SOS1: variants seen among roughly 807,000 people sequenced by gnomAD.
The protein encoded by SOS1 is son of sevenless homolog 1.
SOS1 carries 25 observed loss-of-function variants against 157.6 expected under a neutral mutation model. The observed-to-expected ratio is 0.16, with a 90% CI of 0.12 to 0.22. The LOEUF (loss-of-function observed/expected upper bound fraction) is 0.22. Among genes scored for constraint, SOS1 ranks in the 10% least tolerant of loss-of-function variants. SOS1 has a pLI of 1.00. For synonymous variants in SOS1, 528 were observed against 534.0 expected (o/e 0.99, Z 0.16); for missense variants, 1,237 against 1,599.1 (o/e 0.77, Z 3.86).
At chr2:39,013,704 G>A in intron 12 of SOS1, 141 bp from the exon 13 acceptor site, 1 of 892,394 alleles carries the variant, frequency 1.1e-6, no homozygotes, top group East Asian at 2.5e-5. Flanking sequence ...AAAATTCTAT[G>A]TTAAGGCTTA....
At chr2:39,049,165 G>A (rs1485878333) in intron 6 of SOS1, among the ~76,000 whole-genome samples, 4 of 152,156 alleles carry the variant, frequency 2.6e-5, no homozygotes, top group East Asian at 1.9e-4. Context: ...TGATCTGCCC[G>A]CTTCGGCCTC....
At chr2:39,100,910 C>A (rs1024003035) in intron 1 of SOS1, among the ~76,000 whole-genome samples, 1 of 151,952 alleles carries the variant, frequency 6.6e-6, no homozygotes, top group African/African-American at 2.4e-5. Context: ...CAGAGTGAGA[C>A]CTTGTCTCAA....
chr2:39,010,925 C>T (rs1669446670), intron 14 of SOS1, among the ~76,000 whole-genome samples: 1 of 131,940 alleles, frequency 7.6e-6, no homozygotes, highest in Non-Finnish European at 1.6e-5. Context: ...GATGGAGTTC[C>T]ACTCTTGTTG....
intron 17 of SOS1, among the ~76,000 whole-genome samples, chr2:39,001,145 G>A (rs1669084548): frequency 6.6e-6 from 1 of 152,172 alleles, no homozygotes; most frequent in African/African-American, 2.4e-5. Flanking sequence ...TACAACCTCT[G>A]CCTCCTGGCA....
rs748285993 is a variant in SOS1, at chr2:39,022,506, T to C, written c.1858+64A>G. ...TTCTATTTTAGGCACAATAAACCCA[T>C]GCAGGAAAGAAAATCAGTTTGAAGC... On this transcript the variant is annotated intron_variant, in intron 10 of 22. Coordinates refer to ENST00000402219, the MANE Select transcript of SOS1 (RefSeq NM_005633.4). 3.9e-6 allele frequency: 5 copies of C among 1,291,380 alleles called. No individual in the cohort carries two copies. The African/African-American group carries it at 7.3e-5, about 19-fold the overall frequency. The allele number at this position is 1,291,380 out of a possible 1,614,324, so 80.0% of individuals were successfully genotyped here. A position where few individuals can be genotyped will look rare whatever the true frequency, so the allele number is the denominator to read the frequency against.
At chr2:39,112,284 C>T (rs767283528) in intron 1 of SOS1, among the ~76,000 whole-genome samples, 1 of 152,128 alleles carries the variant, frequency 6.6e-6, no homozygotes, top group Admixed American at 6.6e-5. Context: ...CAGATCAACC[C>T]TACTCTGAGT....
rs187239734 is a variant in SOS1 at position 39,000,589 on chromosome 2, T to G, written c.2792-3164A>C. Among the ~76,000 whole-genome samples the G allele has an allele frequency of 2.0e-5, 3 of 152,356 alleles. No homozygotes were observed. In the East Asian group the frequency reaches 5.8e-4, roughly 29 times the overall value. On this transcript the variant is annotated intron_variant, in intron 17 of 22. Coordinates refer to ENST00000402219, the MANE Select transcript of SOS1 (RefSeq NM_005633.4). ...TGAGGTTTCACCTTTTTTGCTGATG[T>G]CTTTCCCATCCTTCCCAGGATAAAG...
chr2:39,001,742 G>T (rs4670904), intron 17 of SOS1, among the ~76,000 whole-genome samples: 5 of 152,064 alleles, frequency 3.3e-5, no homozygotes, highest in Non-Finnish European at 2.9e-5. Flanking sequence ...TAACTCCAGA[G>T]ACTGGTAACT....
chr2:39,106,403 A>T (rs1673184812), intron 1 of SOS1, among the ~76,000 whole-genome samples: 1 of 151,738 alleles, frequency 6.6e-6, no homozygotes, highest in Non-Finnish European at 1.5e-5. Flanking sequence ...ATCCCGGCTA[A>T]AACGGTGAAA....
intron 6 of SOS1, among the ~76,000 whole-genome samples, chr2:39,047,753 C>T (rs1343077658): frequency 2.0e-5 from 3 of 152,194 alleles, no homozygotes; most frequent in Non-Finnish European, 4.4e-5. Flanking sequence ...TCACTGCAAC[C>T]TCTATCTCCC....
chr2:39,122,626 C>T (rs1225554093), upstream of SOS1, among the ~76,000 whole-genome samples: 1 of 152,060 alleles, frequency 6.6e-6, no homozygotes, highest in African/African-American at 2.4e-5. Flanking sequence ...AATATACATA[C>T]TTGGTTTACA....
At chr2:39,120,310 G>C in intron 1 of SOS1, 26 bp downstream of exon 1, 1 of 1,554,382 alleles carries the variant, frequency 6.4e-7, no homozygotes, top group South Asian at 1.2e-5. Flanking sequence ...CTGCGGCCGG[G>C]AAGCGGGGTC....
chr2:39,111,787 T>C (rs985826415), intron 1 of SOS1, among the ~76,000 whole-genome samples: 2 of 151,476 alleles, frequency 1.3e-5, no homozygotes, highest in African/African-American at 4.9e-5. Context: ...TGGAGTGCAG[T>C]GACACAACCT....
chr2:39,101,451 G>A (rs115784964), intron 1 of SOS1, among the ~76,000 whole-genome samples: 1,590 of 152,156 alleles, frequency 0.01, 36 homozygotes, highest in African/African-American at 0.037. Flanking sequence ...TAGATCAACT[G>A]TTGAACAACT....
chr2:39,074,076 G>A (rs1484903375), intron 1 of SOS1, among the ~76,000 whole-genome samples: 2 of 152,118 alleles, frequency 1.3e-5, no homozygotes, highest in African/African-American at 2.4e-5. Context: ...TGGGCTGGGC[G>A]CGGTGGCCTA....
chr2:38,995,072 C>T (rs1668846822), intron 20 of SOS1, 51 bp downstream of exon 20: 1 of 1,484,206 alleles, frequency 6.7e-7, no homozygotes, highest in Non-Finnish European at 9.4e-7. Flanking sequence ...TTACCTCTAG[C>T]ATGTATAGTA....
rs1259018484 is a variant in SOS1, at chr2:38,982,063, A to G, written c.*3761T>C. 6.6e-6 allele frequency: 1 copy of G among 152,146 alleles called. No homozygotes were observed. The highest frequency in any genetic ancestry group is 2.4e-5 in the African/African-American group (1 of 41,444). 9.4% of individuals were successfully genotyped at this position (152,146 alleles called of 1,614,324 possible). A position where few individuals can be genotyped will look rare whatever the true frequency, so the allele number is the denominator to read the frequency against. ...AGCCACACCACATGTACCTTCCATCATCTGTTATGCATCTTGTTTCTTTGA... is the reference window on the plus strand; with the variant it reads ...AGCCACACCACATGTACCTTCCATCGTCTGTTATGCATCTTGTTTCTTTGA... On this transcript the variant is annotated 3_prime_UTR_variant, in exon 23 of 23. Coordinates refer to ENST00000402219, the MANE Select transcript of SOS1 (RefSeq NM_005633.4).
intron 9 of SOS1, 123 bp downstream of exon 9, chr2:39,023,887 A>T (rs1282941469): frequency 1.4e-6 from 1 of 704,768 alleles, no homozygotes; most frequent in Non-Finnish European, 2.5e-6. Flanking sequence ...CTTCCTCTAA[A>T]AGACCAGGCT....
At position 38,986,117 on chromosome 2, in the gene SOS1, G is replaced by A. The variant is rs371408734; in HGVS notation, c.3709C>T (p.Pro1237Ser). The A allele has an allele frequency of 9.3e-6, 15 of 1,613,836 alleles. No homozygotes were observed. Among genetic ancestry groups the A allele is most frequent in the South Asian group, 3.3e-5 (3 of 91,070 alleles). The change falls in exon 23 of 23, where the codon CCT becomes TCT. Residue 1237 changes from proline (P) to serine (S), a missense_variant. By Grantham distance (74) the Pro-to-Ser change is moderately conservative. Coordinates refer to ENST00000402219, the MANE Select transcript of SOS1 (RefSeq NM_005633.4). ...SSSPLHLQPPPLGKKSDHGNA... is the reference protein window; with the variant it reads ...SSSPLHLQPPSLGKKSDHGNA... Reference sequence around the variant, plus strand: ...CCATGGTCACTTTTTTTGCCCAAAGGGGGAGGTTGGAGATGTAGTGGTGAG... The same window carrying A: ...CCATGGTCACTTTTTTTGCCCAAAGAGGGAGGTTGGAGATGTAGTGGTGAG...
Sources: gnomAD v4.1 joint callset for allele counts (sites outside exome capture counted in the v4.1 genomes callset) on GRCh38, gnomAD v4.1.1 for gene constraint, MANE v1.5 for transcripts, NCBI Gene and HGNC (gene_info 2026-07-23, HGNC 2026-07-21) for gene names.